The following GSDME variants were observed in gnomAD, a reference collection of about 807,000 sequenced individuals.
GSDME encodes gasdermin E.
GSDME carries 44 observed loss-of-function variants against 47.5 expected under a neutral mutation model. The observed-to-expected ratio is 0.93, with a 90% CI of 0.73 to 1.19. The LOEUF is 1.19. Ranked by LOEUF, GSDME falls within the 50% of genes most tolerant of loss-of-function variation. The pLI is 0.00. For synonymous variants in GSDME, 258 were observed against 252.8 expected, an observed-to-expected ratio of 1.02 and a Z score of -0.20; for missense variants, 663 against 604.2, an observed-to-expected ratio of 1.10 and a Z score of -1.02.
At chr7:24,779,592 A>T in the GSDME span, among the ~76,000 whole-genome samples, 1 of 151,946 alleles carries the variant, frequency 6.6e-6, no homozygotes, top group Non-Finnish European at 1.5e-5. The surrounding 1 kb of genome is among the most constrained non-coding windows in gnomAD (Gnocchi z 6.0). Context: ...AGAAAACCCC[A>T]CTAAAAATGG....
rs1285162115 is a variant in GSDME at position 24,754,519 on chromosome 7, G to C, written c.-20+2877C>G. Reference sequence around the variant, plus strand: ...AAAAAAAAAGTTGTATTAGCAAACAGTCCTTAGTCTGGCTTCCCAGCTGAA... The same window carrying C: ...AAAAAAAAAGTTGTATTAGCAAACACTCCTTAGTCTGGCTTCCCAGCTGAA... On this transcript the variant is annotated intron_variant, in intron 1 of 9. Transcript: ENST00000645220. This position sits in a 1 kb window ranked among gnomAD's most constrained non-coding sequence, Gnocchi z 5.0. Among the ~76,000 whole-genome samples the C allele has an allele frequency of 6.6e-6, 1 of 151,172 alleles. No homozygotes were observed. Among genetic ancestry groups the C allele is most frequent in the African/African-American group, 2.4e-5 (1 of 41,094 alleles).
upstream of GSDME, among the ~76,000 whole-genome samples, chr7:24,761,008 A>G (rs1791158208): frequency 6.6e-6 from 1 of 152,294 alleles, no homozygotes; most frequent in Non-Finnish European, 1.5e-5. The surrounding 1 kb of genome is among the most constrained non-coding windows in gnomAD (Gnocchi z 4.4). Context: ...TTATTGGACA[A>G]ACAAGGAAAT....
chr7:24,748,162 A>ATT (rs1237163749), intron 2 of GSDME, among the ~76,000 whole-genome samples: 18 of 97,822 alleles, frequency 1.8e-4, no homozygotes, highest in African/African-American at 1.1e-3. Flanking sequence ...ATATATATAT[A>ATT]TATATATTTT....
chr7:24,729,140 C>A (rs530396462), intron 3 of GSDME, among the ~76,000 whole-genome samples: 2 of 152,272 alleles, frequency 1.3e-5, no homozygotes, highest in South Asian at 4.1e-4. Context: ...TTAACTGCAA[C>A]CAGTGGATGA....
At chr7:24,785,655 C>T in the GSDME span, among the ~76,000 whole-genome samples, 11 of 152,158 alleles carry the variant, frequency 7.2e-5, no homozygotes, top group Admixed American at 5.9e-4. Flanking sequence ...TGGGGTTTCA[C>T]CACATTGGCC....
rs1026165969 is a variant in GSDME, at chr7:24,712,986, C to G, written c.698-2598G>C. On this transcript the variant is annotated intron_variant, in intron 5 of 9. Coordinates refer to ENST00000645220, the MANE Select transcript of GSDME (RefSeq NM_001127453.2). The surrounding 1 kb of genome is among the most constrained non-coding windows in gnomAD (Gnocchi z 4.4). ...TGAGCCAAGATCGCACCATTGTACT[C>G]CAGCCTGGGCAACAAGAGTGAAACT... Among the ~76,000 whole-genome samples the G allele has an allele frequency of 6.6e-6, 1 of 150,816 alleles. No homozygotes were observed. The highest frequency in any genetic ancestry group is 2.4e-5 in the African/African-American group (1 of 40,860).
intron 2 of GSDME, among the ~76,000 whole-genome samples, chr7:24,747,690 G>C (rs1790711296): frequency 6.6e-6 from 1 of 151,644 alleles, no homozygotes; most frequent in Admixed American, 6.6e-5. Flanking sequence ...TCTTATTTTG[G>C]AGACAGGGAC....
At chr7:24,773,455 C>A in the GSDME span, among the ~76,000 whole-genome samples, 1 of 152,204 alleles carries the variant, frequency 6.6e-6, no homozygotes, top group Non-Finnish European at 1.5e-5. The surrounding 1 kb of genome is among the most constrained non-coding windows in gnomAD (Gnocchi z 5.4). Flanking sequence ...ATGACTAATT[C>A]ATTTTAATTA....
rs773362193 is a variant in GSDME at position 24,706,244 on chromosome 7, C to T, written c.1123G>A (p.Glu375Lys). 27 of 1,614,104 alleles carry T rather than the reference C, an allele frequency of 1.7e-5. No individual in the cohort carries two copies. The highest frequency in any genetic ancestry group is 1.2e-4 in the South Asian group (11 of 91,090). ...AACAGCTGCTTGCTGCCTGCATCCT[C>T]GGGGCCCGGACACCCACCCTGTAAG... ...CSLQGGCPGPEDAGSKQLFMT... is the reference protein window; with the variant it reads ...CSLQGGCPGPKDAGSKQLFMT... The change falls in exon 8 of 10, where the codon GAG becomes AAG. Residue 375 changes from glutamate to lysine, a missense_variant. Glu to Lys is a moderately conservative substitution (Grantham distance 56, BLOSUM62 1). Transcript: ENST00000645220.
At chr7:24,790,278 A>G in the GSDME span, among the ~76,000 whole-genome samples, 1 of 152,224 alleles carries the variant, frequency 6.6e-6, no homozygotes, top group African/African-American at 2.4e-5. This position sits in a 1 kb window ranked among gnomAD's most constrained non-coding sequence, Gnocchi z 4.1. Flanking sequence ...TTGTAACCAT[A>G]TGATTTGGGT....
At position 24,712,243 on chromosome 7, in the gene GSDME, G is replaced by T. The variant is rs1296088780; in HGVS notation, c.698-1855C>A. Among the ~76,000 whole-genome samples, 2 of 152,226 alleles carry T rather than the reference G, an allele frequency of 1.3e-5. No homozygotes were observed. Among genetic ancestry groups the T allele is most frequent in the African/African-American group, 2.4e-5 (1 of 41,456 alleles). ...CCACACTTTGCGCTTAGCCACAGGG[G>T]TGCAGGAGTGTGAACCAGCACCTAG... is the stretch of plus-strand genomic sequence containing the variant. On this transcript the variant is annotated intron_variant, in intron 5 of 9. Transcript: ENST00000645220. The surrounding 1 kb of genome is among the most constrained non-coding windows in gnomAD (Gnocchi z 4.4).
chr7:24,741,999 A>G (rs926078658), intron 3 of GSDME, among the ~76,000 whole-genome samples: 10 of 151,926 alleles, frequency 6.6e-5, no homozygotes, highest in Non-Finnish European at 1.2e-4. Context: ...ATTCTTTATC[A>G]TGCTTCTGGT....
At position 24,732,709 on chromosome 7, in the gene GSDME, G is replaced by T. The variant is rs373568765; in HGVS notation, c.404+11853C>A. ...GCAGAACTCAGCCAGCGCCCACTGA[G>T]GGAGCATGTAGACCAGCCCTAGCCA... is the stretch of plus-strand genomic sequence containing the variant. On this transcript the variant is annotated intron_variant, in intron 3 of 9. Transcript: ENST00000645220. The surrounding 1 kb of genome is among the most constrained non-coding windows in gnomAD (Gnocchi z 4.8). 6.6e-6 allele frequency among the ~76,000 whole-genome samples: 1 copy of T among 152,216 alleles called. No homozygotes were observed. Among genetic ancestry groups the T allele is most frequent in the Non-Finnish European group, 1.5e-5 (1 of 68,036 alleles).
At chr7:24,737,430 A>G (rs897868543) in intron 3 of GSDME, among the ~76,000 whole-genome samples, 1 of 151,980 alleles carries the variant, frequency 6.6e-6, no homozygotes, top group Non-Finnish European at 1.5e-5. Flanking sequence ...AAAACCTACC[A>G]AGATTGAACC....
the GSDME span, among the ~76,000 whole-genome samples, chr7:24,793,697 T>A: frequency 6.6e-6 from 1 of 152,090 alleles, no homozygotes; most frequent in African/African-American, 2.4e-5. Context: ...ATTGCAAACA[T>A]CCCTTTCTTT....
Position 24,724,004 on chromosome 7 carries a change from C to T in GSDME, c.405-4786G>A, listed in dbSNP as rs139102121. Among the ~76,000 whole-genome samples, 81 of 152,168 alleles carry T rather than the reference C, an allele frequency of 5.3e-4. No individual in the cohort carries two copies. Among genetic ancestry groups the T allele is most frequent in the African/African-American group, 1.8e-3 (76 of 41,504 alleles). On this transcript the variant is annotated intron_variant, in intron 3 of 9. Coordinates refer to ENST00000645220, the MANE Select transcript of GSDME (RefSeq NM_001127453.2). This position sits in a 1 kb window ranked among gnomAD's most constrained non-coding sequence, Gnocchi z 4.8. ...CAACTTGTCCTGATTTCTTTCCTCT[C>T]GGGCCCTGTGAGAGCCACTGAGCAA...
At chr7:24,707,566 C>T (rs975840935) in intron 7 of GSDME, 4 of 379,528 alleles carry the variant, frequency 1.1e-5, no homozygotes, top group Admixed American at 3.4e-5. Flanking sequence ...AACCTAAGAA[C>T]GTGACCTTAG....
In GSDME at chr7:24,739,587, A is replaced by C. The variant is rs898189278; in HGVS notation, c.404+4975T>G. Among the ~76,000 whole-genome samples, 1 of 152,196 alleles carries C rather than the reference A, an allele frequency of 6.6e-6. No individual in the cohort carries two copies. Among genetic ancestry groups the C allele is most frequent in the African/African-American group, 2.4e-5 (1 of 41,448 alleles). On this transcript the variant is annotated intron_variant, in intron 3 of 9. Transcript: ENST00000645220. The surrounding 1 kb of genome is among the most constrained non-coding windows in gnomAD (Gnocchi z 5.1). Reference sequence around the variant, plus strand: ...CAGTTTGGAGATTCCTCAAAAAACTAAAAATAGAGCTACCATACTATCCAG... The same window carrying C: ...CAGTTTGGAGATTCCTCAAAAAACTCAAAATAGAGCTACCATACTATCCAG...
Position 24,712,507 on chromosome 7 carries a change from CA to C in GSDME, c.698-2120del, listed in dbSNP as rs1789394058. 6.6e-6 allele frequency among the ~76,000 whole-genome samples: 1 copy of C among 152,166 alleles called. No individual in the cohort carries two copies. The highest frequency in any genetic ancestry group is 2.4e-5 in the African/African-American group (1 of 41,438). On this transcript the variant is annotated intron_variant, in intron 5 of 9. Coordinates refer to ENST00000645220, the MANE Select transcript of GSDME (RefSeq NM_001127453.2). This position sits in a 1 kb window ranked among gnomAD's most constrained non-coding sequence, Gnocchi z 4.4. ...CCCAGCCAGCCAGCCAGCAAATATG[CA>C]ACAATGTAAATCTTTAAAATTCCCT...
Sources: allele counts gnomAD v4.1 joint callset (sites outside exome capture counted in the v4.1 genomes callset), GRCh38; gene constraint gnomAD v4.1.1; non-coding constraint Gnocchi (gnomAD v3.1); transcripts MANE v1.5; gene names NCBI Gene and HGNC (gene_info 2026-07-23, HGNC 2026-07-21).